The following MARK3 variants were observed in gnomAD, a reference collection of about 807,000 sequenced individuals.
The protein encoded by MARK3 is microtubule affinity regulating kinase 3.
MARK3 carries 46 observed loss-of-function variants against 90.1 expected under a neutral mutation model. The ratio of observed to expected loss-of-function variants is 0.51; its 90% CI spans 0.40 to 0.65. The LOEUF is 0.65. Among genes scored for constraint, MARK3 ranks in the 30% least tolerant of loss-of-function variants. The probability of loss-of-function intolerance (pLI) is 0.00; values close to 1 mark genes in which losing one functional copy is unlikely to be tolerated. For synonymous variants in MARK3, 321 were observed against 332.6 expected (o/e 0.97, Z 0.38); for missense variants, 818 against 947.2 (o/e 0.86, Z 1.79).
chr14:103,421,040 C>G (rs1566812050), intron 2 of MARK3, among the ~76,000 whole-genome samples: 1 of 152,156 alleles, frequency 6.6e-6, no homozygotes, highest in Non-Finnish European at 1.5e-5. Flanking sequence ...CTTTGTAAGG[C>G]ACATCATAGC....
intron 1 of MARK3, among the ~76,000 whole-genome samples, chr14:103,402,346 A>T (rs977056972): frequency 6.6e-6 from 1 of 152,060 alleles, no homozygotes; most frequent in Non-Finnish European, 1.5e-5. Flanking sequence ...TAAGGTCAGG[A>T]GTTCGAGACT....
chr14:103,398,429 T>G (rs2090727450), intron 1 of MARK3, among the ~76,000 whole-genome samples: 1 of 152,240 alleles, frequency 6.6e-6, no homozygotes, highest in Admixed American at 6.5e-5. Context: ...TAGAATCTCT[T>G]TATACATTCC....
At chr14:103,472,601 CAT>C (rs2093646013) in intron 12 of MARK3, among the ~76,000 whole-genome samples, 1 of 135,852 alleles carries the variant, frequency 7.4e-6, no homozygotes, top group African/African-American at 2.8e-5. Flanking sequence ...GAGCCAAGAT[CAT>C]GCCACTGCAC....
intron 2 of MARK3, among the ~76,000 whole-genome samples, chr14:103,414,873 C>G (rs2091868571): frequency 6.6e-6 from 1 of 152,100 alleles, no homozygotes; most frequent in South Asian, 2.1e-4. Flanking sequence ...TGGCTCATGC[C>G]TGTAATTCCA....
chr14:103,465,553 C>G lies in MARK3; in HGVS notation c.541-4C>G, dbSNP rs139168682. On this transcript the variant is annotated splice_polypyrimidine_tract_variant and splice_region_variant and intron_variant, in intron 7 of 17. Transcript: ENST00000429436. Reference sequence around the variant, plus strand: ...TCATTTTTGTCTTGATGTTTTCCCTCTAGGCTGAAAATCTATTGTTAGATG... The same window carrying G: ...TCATTTTTGTCTTGATGTTTTCCCTGTAGGCTGAAAATCTATTGTTAGATG... The G allele has an allele frequency of 1.2e-6, 2 of 1,601,164 alleles. No homozygotes were observed. Among genetic ancestry groups the G allele is most frequent in the African/African-American group, 2.7e-5 (2 of 74,752 alleles).
At chr14:103,478,694 C>T (rs57344120) in intron 13 of MARK3, among the ~76,000 whole-genome samples, 50,274 of 151,860 alleles carry the variant, frequency 0.33, 8,708 homozygotes, top group East Asian at 0.5. Context: ...CGTGCGCCAC[C>T]ATGCCTGGAT....
intron 1 of MARK3, among the ~76,000 whole-genome samples, chr14:103,403,649 C>G (rs1051177661): frequency 2.0e-5 from 3 of 152,170 alleles, no homozygotes; most frequent in Non-Finnish European, 2.9e-5. Context: ...TCTTTTAAAA[C>G]TAGACTGCAG....
At chr14:103,478,688 C>G (rs1009903453) in intron 13 of MARK3, among the ~76,000 whole-genome samples, 1 of 151,878 alleles carries the variant, frequency 6.6e-6, no homozygotes, top group African/African-American at 2.4e-5. Context: ...TACAGGCGTG[C>G]GCCACCATGC....
At chr14:103,463,767 A>T (rs1056968749) in intron 7 of MARK3, among the ~76,000 whole-genome samples, 1 of 152,160 alleles carries the variant, frequency 6.6e-6, no homozygotes, top group African/African-American at 2.4e-5. Context: ...TTTTAAGGAA[A>T]CACAAATAAG....
intron 3 of MARK3, among the ~76,000 whole-genome samples, chr14:103,442,610 A>AT (rs1286257658): frequency 1.3e-5 from 2 of 152,238 alleles, no homozygotes; most frequent in African/African-American, 4.8e-5. Context: ...CAAACAAAAT[A>AT]TACAAACATG....
chr14:103,405,883 C>T (rs2091260985), intron 2 of MARK3, among the ~76,000 whole-genome samples: 1 of 151,844 alleles, frequency 6.6e-6, no homozygotes, highest in Non-Finnish European at 1.5e-5. Flanking sequence ...AGGCATGAGC[C>T]ACCGTGCCCA....
chr14:103,427,680 G>A (rs951169194), intron 2 of MARK3, among the ~76,000 whole-genome samples: 2 of 152,040 alleles, frequency 1.3e-5, no homozygotes, highest in South Asian at 2.1e-4. Flanking sequence ...TCCCCTTTTA[G>A]GGGACTATTT....
At chr14:103,495,206 T>TA (rs1291324823) in intron 15 of MARK3, among the ~76,000 whole-genome samples, 4 of 152,214 alleles carry the variant, frequency 2.6e-5, no homozygotes, top group Admixed American at 6.5e-5. Context: ...TGCAGTGGCT[T>TA]ACGCCTGTAA....
intron 3 of MARK3, among the ~76,000 whole-genome samples, chr14:103,437,105 A>AT (rs2092734679): frequency 6.6e-6 from 1 of 151,392 alleles, no homozygotes; most frequent in Non-Finnish European, 1.5e-5. Flanking sequence ...AAAAAAAAAA[A>AT]TTGAGAATAA....
At chr14:103,445,390 A>C (rs976031822) in intron 3 of MARK3, among the ~76,000 whole-genome samples, 13 of 152,320 alleles carry the variant, frequency 8.5e-5, no homozygotes, top group Middle Eastern at 3.4e-3. Flanking sequence ...TTAACTTAGC[A>C]TAAAGCTTAT....
At chr14:103,412,240 CTCA>C in intron 2 of MARK3, 1 of 771,114 alleles carries the variant, frequency 1.3e-6, no homozygotes, top group Non-Finnish European at 2.2e-6. Flanking sequence ...TATGCACAAG[CTCA>C]TCGTCTGTCA....
chr14:103,432,931 G>C lies in MARK3; in HGVS notation c.297+4491G>C, dbSNP rs149336518. 2.7e-3 allele frequency among the ~76,000 whole-genome samples: 410 copies of C among 152,112 alleles called. 2 individuals are homozygous for C. Among genetic ancestry groups the C allele is most frequent in the African/African-American group, 9.5e-3 (393 of 41,502 alleles). Reference sequence around the variant, plus strand: ...CCTTTTTTTTGTAAGGCAGGGACAGGGAAACAGAACAATAGACCACAATAG... The same window carrying C: ...CCTTTTTTTTGTAAGGCAGGGACAGCGAAACAGAACAATAGACCACAATAG... On this transcript the variant is annotated intron_variant, in intron 3 of 17. Transcript: ENST00000429436.
At position 103,389,989 on chromosome 14, in the gene MARK3, C is replaced by G. The variant is rs186674513; in HGVS notation, c.51+3909C>G. ...AAAGGCCGGGCGCGGTGGCTCACAC[C>G]TGTAATCCCAGCACTCTGGGAGGCC... On this transcript the variant is annotated intron_variant, in intron 1 of 17. Coordinates refer to ENST00000429436, the MANE Select transcript of MARK3 (RefSeq NM_001128918.3). Among the ~76,000 whole-genome samples, 192 of 143,230 alleles carry G rather than the reference C, an allele frequency of 1.3e-3. 1 individual carries two copies. The highest frequency in any genetic ancestry group is 4.8e-3 in the African/African-American group (183 of 38,488). The allele number at this position is 143,230 out of a possible 152,430, so 94.0% of individuals were successfully genotyped here.
chr14:103,407,296 T>G (rs1306433995), intron 2 of MARK3, among the ~76,000 whole-genome samples: 1 of 152,226 alleles, frequency 6.6e-6, no homozygotes, highest in African/African-American at 2.4e-5. Context: ...CACTTATGTG[T>G]ATGAGCTCAT....
Sources: gnomAD v4.1 joint callset for allele counts (sites outside exome capture counted in the v4.1 genomes callset) on GRCh38, gnomAD v4.1.1 for gene constraint, MANE v1.5 for transcripts, NCBI Gene and HGNC (gene_info 2026-07-23, HGNC 2026-07-21) for gene names.